The following CCND1 variants were observed in gnomAD, a reference collection of about 807,000 sequenced individuals.
CCND1 encodes the protein G1/S-specific cyclin-D1.
Under a neutral mutation model 26.1 loss-of-function variants are expected in CCND1, and 9 were observed. That is an observed-to-expected ratio of 0.35 (90% CI 0.21 to 0.60). CCND1 has a LOEUF of 0.60. Among genes scored for constraint, CCND1 ranks in the 20% least tolerant of loss-of-function variants. The pLI is 0.79. For synonymous variants in CCND1, 194 were observed against 166.1 expected (o/e 1.17, Z -1.29); for missense variants, 335 against 392.9 (o/e 0.85, Z 1.25).
chr11:69,645,518 C>T (rs751848490), intron 3 of CCND1, among the ~76,000 whole-genome samples: 34 of 152,200 alleles, frequency 2.2e-4, no homozygotes, highest in Non-Finnish European at 2.6e-4. Context: ...TGTGCACGTG[C>T]TCTCAGTGAC....
chr11:69,643,955 A>C lies in CCND1; in HGVS notation c.538A>C (p.Lys180Gln). ...EAEENKQIIR[K>Q]HAQTFVALCA... ...GGAGGAGAACAAACAGATCATCCGC[A>C]AACACGCGCAGACCTTCGTTGCCCT... is the stretch of plus-strand genomic sequence containing the variant. Residue 180 changes from lysine (K) to glutamine (Q), a missense_variant, in exon 3 of 5, where the codon AAA becomes CAA. Lys to Gln is a moderately conservative substitution (Grantham distance 53). Coordinates refer to ENST00000227507, the MANE Select transcript of CCND1 (RefSeq NM_053056.3). 1 of 1,613,462 alleles carries C rather than the reference A, an allele frequency of 6.2e-7. No individual in the cohort carries two copies. The highest frequency in any genetic ancestry group is 8.5e-7 in the Non-Finnish European group (1 of 1,180,010).
chr11:69,649,245 G>A (rs554752170), intron 4 of CCND1, among the ~76,000 whole-genome samples: 4 of 152,276 alleles, frequency 2.6e-5, no homozygotes, highest in South Asian at 2.1e-4. Flanking sequence ...TGAAACTCGC[G>A]TCTGCACTTT....
At position 69,653,004 on chromosome 11, in the gene CCND1, G is replaced by T; in HGVS notation, c.*1722G>T. 2.3e-6 allele frequency: 1 copy of T among 430,212 alleles called. No individual in the cohort carries two copies. Among genetic ancestry groups the T allele is most frequent in the Non-Finnish European group, 4.1e-6 (1 of 243,860 alleles). 26.6% of individuals were successfully genotyped at this position (430,212 alleles called of 1,614,324 possible). On this transcript the variant is annotated 3_prime_UTR_variant, in exon 5 of 5. Transcript: ENST00000227507. ...GGGTACTCAACCTAAGTTCGGTTCC[G>T]ATGAATTCTTATCCCCTGCCCCTTC...
intron 4 of CCND1, among the ~76,000 whole-genome samples, chr11:69,649,439 G>A (rs1324872463): frequency 6.6e-6 from 1 of 152,284 alleles, no homozygotes; most frequent in Non-Finnish European, 1.5e-5. Flanking sequence ...GAAGTTACCC[G>A]AGGCGGAGTC....
At chr11:69,642,293 C>G (rs1271269999) in intron 1 of CCND1, among the ~76,000 whole-genome samples, 2 of 152,202 alleles carry the variant, frequency 1.3e-5, no homozygotes, top group Non-Finnish European at 2.9e-5. Context: ...AGGACCTTCT[C>G]CGAGCGAGCC....
intron 3 of CCND1, 45 bp from the exon 4 acceptor site, chr11:69,647,949 G>A (rs2120108246): frequency 6.2e-7 from 1 of 1,608,178 alleles, no homozygotes; most frequent in Non-Finnish European, 8.5e-7. Flanking sequence ...GGCCCTGAGA[G>A]GGTCCCCTGC....
intron 3 of CCND1, among the ~76,000 whole-genome samples, chr11:69,646,566 C>T (rs981939758): frequency 2.0e-5 from 3 of 152,174 alleles, no homozygotes; most frequent in Non-Finnish European, 4.4e-5. Context: ...CGAGATGAGG[C>T]GATGGGGCCG....
chr11:69,643,112 G>C lies in CCND1; in HGVS notation c.280G>C (p.Val94Leu), dbSNP rs774091629. Residue 94 changes from valine to leucine, a missense_variant, in exon 2 of 5, where the codon GTG becomes CTG. Val to Leu is a conservative substitution (Grantham distance 32). Transcript: ENST00000227507. Reference protein sequence around the residue: ...YLDRFLSLEPVKKSRLQLLGA... With the variant: ...YLDRFLSLEPLKKSRLQLLGA... ...GGACCGCTTCCTGTCGCTGGAGCCC[G>C]TGAAAAAGAGCCGCCTGCAGCTGCT... 6.2e-7 allele frequency: 1 copy of C among 1,610,760 alleles called. No homozygotes were observed. Among genetic ancestry groups the C allele is most frequent in the East Asian group, 2.2e-5 (1 of 44,750 alleles).
In CCND1 at chr11:69,653,106, T is replaced by G. The variant is rs1183311429; in HGVS notation, c.*1824T>G. The G allele has an allele frequency of 1.9e-6, 1 of 531,112 alleles. No individual in the cohort carries two copies. Among genetic ancestry groups the G allele is most frequent in the African/African-American group, 2.0e-5 (1 of 51,098 alleles). The allele number at this position is 531,112 out of a possible 1,614,324, so 32.9% of individuals were successfully genotyped here. A position where few individuals can be genotyped will look rare whatever the true frequency, so the allele number is the denominator to read the frequency against. On this transcript the variant is annotated 3_prime_UTR_variant, in exon 5 of 5. Coordinates refer to ENST00000227507, the MANE Select transcript of CCND1 (RefSeq NM_053056.3). ...ATTCTTGTAATTTTTATTTAGGAAG[T>G]GTTGAAGGGAGGTGGCAAGAGTGTG...
At chr11:69,648,294 C>A in intron 4 of CCND1, 152 bp downstream of exon 4, 2 of 762,022 alleles carry the variant, frequency 2.6e-6, no homozygotes, top group Non-Finnish European at 4.2e-6. Flanking sequence ...CACAGACTGA[C>A]AGGGCACCGG....
chr11:69,654,409 G>C lies in CCND1; in HGVS notation c.*3127G>C. Reference sequence around the variant, plus strand: ...GCTTCCCAGCACCAACATGTAACCGGCATGTTTCCAGCAGAAGACAAAAAG... The same window carrying C: ...GCTTCCCAGCACCAACATGTAACCGCCATGTTTCCAGCAGAAGACAAAAAG... On this transcript the variant is annotated 3_prime_UTR_variant, in exon 5 of 5. Coordinates refer to ENST00000227507, the MANE Select transcript of CCND1 (RefSeq NM_053056.3). The surrounding 1 kb of genome is among the most constrained non-coding windows in gnomAD (Gnocchi z 6.3). 1.4e-6 allele frequency: 1 copy of C among 695,258 alleles called. No individual in the cohort carries two copies. The highest frequency in any genetic ancestry group is 1.5e-5 in the South Asian group (1 of 67,154). 43.1% of individuals were successfully genotyped at this position (695,258 alleles called of 1,614,324 possible).
rs1357215876 is a variant in CCND1, at chr11:69,646,395, G to A, written c.575-1599G>A. On this transcript the variant is annotated intron_variant, in intron 3 of 4. Coordinates refer to ENST00000227507, the MANE Select transcript of CCND1 (RefSeq NM_053056.3). ...CTTTCTTCCCGGCCCCTCGCCGGCG[G>A]CCCTCTCTTTAACAAGGCCGAAGTT... is the stretch of plus-strand genomic sequence containing the variant. Among the ~76,000 whole-genome samples, 4 of 152,262 alleles carry A rather than the reference G, an allele frequency of 2.6e-5. No homozygotes were observed. In the East Asian group the frequency reaches 7.7e-4, roughly 29 times the overall value.
In CCND1 at chr11:69,651,102, A is replaced by C. The variant is rs1319191941; in HGVS notation, c.724-16A>C. On this transcript the variant is annotated splice_polypyrimidine_tract_variant and intron_variant, in intron 4 of 4. Transcript: ENST00000227507. ...GGACCCCCTCTTCCCACCTCTCCCC[A>C]CCCTCTCTCTCTCAGGACTGCCTCC... The C allele has an allele frequency of 1.2e-6, 2 of 1,607,566 alleles. No homozygotes were observed. The highest frequency in any genetic ancestry group is 2.7e-5 in the African/African-American group (2 of 74,328).
In CCND1 at chr11:69,643,112, G is replaced by T. The variant is rs774091629; in HGVS notation, c.280G>T (p.Val94Leu). The T allele has an allele frequency of 2.5e-6, 4 of 1,610,760 alleles. No individual in the cohort carries two copies. Among genetic ancestry groups the T allele is most frequent in the Non-Finnish European group, 3.4e-6 (4 of 1,178,922 alleles). Residue 94 changes from valine to leucine, a missense_variant, in exon 2 of 5, where the codon GTG (valine) becomes TTG (leucine). Transcript: ENST00000227507. ...YLDRFLSLEP[V>L]KKSRLQLLGA... ...GGACCGCTTCCTGTCGCTGGAGCCC[G>T]TGAAAAAGAGCCGCCTGCAGCTGCT...
At position 69,651,166 on chromosome 11, in the gene CCND1, A is replaced by G; in HGVS notation, c.772A>G (p.Ser258Gly). ...GCAGATCGAAGCCCTGCTGGAGTCA[A>G]GCCTGCGCCAGGCCCAGCAGAACAT... ...QEQIEALLES[S>G]LRQAQQNMDP... Residue 258 changes from serine (S) to glycine (G), a missense_variant, in exon 5 of 5, where the codon AGC becomes GGC. Coordinates refer to ENST00000227507, the MANE Select transcript of CCND1 (RefSeq NM_053056.3). 6.2e-7 allele frequency: 1 copy of G among 1,612,584 alleles called. No homozygotes were observed. The highest frequency in any genetic ancestry group is 8.5e-7 in the Non-Finnish European group (1 of 1,179,220).
At chr11:69,642,911 C>T in intron 1 of CCND1, 120 bp from the exon 2 acceptor site, 1 of 570,402 alleles carries the variant, frequency 1.8e-6, no homozygotes, top group South Asian at 4.1e-5. Flanking sequence ...CCGCCCCCAG[C>T]CCCGACCCCT....
chr11:69,653,519 G>A lies in CCND1; in HGVS notation c.*2237G>A. On this transcript the variant is annotated 3_prime_UTR_variant, in exon 5 of 5. Transcript: ENST00000227507. The stretch of plus-strand genomic sequence containing the variant: ...AATACCTCATGCTTCACTTAGCCAT[G>A]GTGGACCCAGCGGGCAGGTTCTGCC... The A allele has an allele frequency of 1.8e-6, 1 of 561,350 alleles. No individual in the cohort carries two copies. The highest frequency in any genetic ancestry group is 3.1e-6 in the Non-Finnish European group (1 of 321,458). The allele number at this position is 561,350 out of a possible 1,614,324, so 34.8% of individuals were successfully genotyped here. A position where few individuals can be genotyped will look rare whatever the true frequency, so the allele number is the denominator to read the frequency against.
chr11:69,649,093 C>T (rs538288268), intron 4 of CCND1, among the ~76,000 whole-genome samples: 10 of 152,336 alleles, frequency 6.6e-5, no homozygotes, highest in East Asian at 3.9e-4. Flanking sequence ...CACCCTGCCC[C>T]GTGTTATCCT....
chr11:69,651,503 GAGA>G lies in CCND1; in HGVS notation c.*223_*225del. On this transcript the variant is annotated 3_prime_UTR_variant, in exon 5 of 5. Transcript: ENST00000227507. ...AAAAACTGTCTTTAAAAGAGAGAGA[GAGA>G]AAAAAAAAATAGTATTTGCATAACC... is the stretch of plus-strand genomic sequence containing the variant. 2.4e-6 allele frequency: 1 copy of G among 422,996 alleles called. No homozygotes were observed. Among genetic ancestry groups the G allele is most frequent in the Non-Finnish European group, 4.1e-6 (1 of 244,134 alleles). The allele number at this position is 422,996 out of a possible 1,614,324, so 26.2% of individuals were successfully genotyped here.
Sources: gnomAD v4.1 joint callset for allele counts (sites outside exome capture counted in the v4.1 genomes callset) on GRCh38, gnomAD v4.1.1 for gene constraint, Gnocchi (gnomAD v3.1) non-coding constraint, MANE v1.5 for transcripts, NCBI Gene and HGNC (gene_info 2026-07-23, HGNC 2026-07-21) for gene names.